Variants in KCNH8 observed in about 807,000 individuals in gnomAD.
KCNH8 encodes the protein voltage-gated delayed rectifier potassium channel KCNH8.
KCNH8 carries 70 observed loss-of-function variants against 103.6 expected under a neutral mutation model. The ratio of observed to expected loss-of-function variants is 0.68; its 90% CI spans 0.56 to 0.82. The LOEUF (loss-of-function observed/expected upper bound fraction) is 0.82, where lower values mean the gene tolerates loss of function less well. KCNH8 is among the 40% of genes least tolerant of loss of function. The pLI is 0.00. For missense variants in KCNH8, 1,217 were observed against 1,329.9 expected, an observed-to-expected ratio of 0.92 and a Z score of 1.32; for synonymous variants, 498 against 489.4, an observed-to-expected ratio of 1.02 and a Z score of -0.23.
At chr3:19,359,333 T>C (rs2065918947) in intron 5 of KCNH8, among the ~76,000 whole-genome samples, 1 of 151,428 alleles carries the variant, frequency 6.6e-6, no homozygotes, top group Non-Finnish European at 1.5e-5. Context: ...ATAATAAATA[T>C]ATGTACTTAT....
At chr3:19,261,921 A>G (rs902889191) in intron 2 of KCNH8, among the ~76,000 whole-genome samples, 9 of 151,604 alleles carry the variant, frequency 5.9e-5, no homozygotes, top group African/African-American at 1.5e-4. Flanking sequence ...TTCACCATAT[A>G]TGTTTGGATT....
chr3:19,336,038 ACT>A (rs1444781828), intron 3 of KCNH8, among the ~76,000 whole-genome samples: 2 of 150,474 alleles, frequency 1.3e-5, no homozygotes, highest in African/African-American at 4.9e-5. Context: ...AACCTAGTTT[ACT>A]CTTTTTTATT....
intron 11 of KCNH8, among the ~76,000 whole-genome samples, chr3:19,479,377 AT>A (rs1057215400): frequency 5.3e-5 from 8 of 152,154 alleles, no homozygotes; most frequent in African/African-American, 1.9e-4. Flanking sequence ...ATGTTAAAAT[AT>A]CATCAGTTCT....
At chr3:19,360,109 T>G (rs536984424) in intron 5 of KCNH8, among the ~76,000 whole-genome samples, 1 of 152,104 alleles carries the variant, frequency 6.6e-6, no homozygotes, top group East Asian at 1.9e-4. Flanking sequence ...AATTATACCC[T>G]AGATAGCAAA....
At chr3:19,500,639 G>A (rs181285686) in intron 11 of KCNH8, among the ~76,000 whole-genome samples, 5 of 152,096 alleles carry the variant, frequency 3.3e-5, no homozygotes, top group Admixed American at 6.5e-5. Flanking sequence ...ACTCAAAACC[G>A]CTCAACTACA....
At chr3:19,340,357 AT>A (rs33979047) in intron 3 of KCNH8, among the ~76,000 whole-genome samples, 23,069 of 143,872 alleles carry the variant, frequency 0.16, 1,837 homozygotes, top group South Asian at 0.19. Context: ...TTTTTTTTTA[AT>A]TTTTTTTTTT....
At chr3:19,507,967 G>T (rs1030975061) in intron 11 of KCNH8, among the ~76,000 whole-genome samples, 2 of 152,262 alleles carry the variant, frequency 1.3e-5, no homozygotes, top group Admixed American at 1.3e-4. Context: ...TATCATGAAG[G>T]GAAGTTGATT....
At chr3:19,250,479 A>T (rs1191572545) in intron 1 of KCNH8, among the ~76,000 whole-genome samples, 1 of 152,228 alleles carries the variant, frequency 6.6e-6, no homozygotes, top group Admixed American at 6.5e-5. Context: ...GGGAAAATAT[A>T]TGCTAGACAA....
At position 19,392,751 on chromosome 3, in the gene KCNH8, T is replaced by C. The variant is rs185696185; in HGVS notation, c.969+2113T>C. On this transcript the variant is annotated intron_variant, in intron 6 of 15. Transcript: ENST00000328405. Reference sequence around the variant, plus strand: ...ATCACATGCTTTTTGAAAACTAGTATGTATATCACTGTAGAAGGCACTTAT... The same window carrying C: ...ATCACATGCTTTTTGAAAACTAGTACGTATATCACTGTAGAAGGCACTTAT... 1.1e-3 allele frequency among the ~76,000 whole-genome samples: 171 copies of C among 152,104 alleles called. 2 individuals carry two copies. Among genetic ancestry groups the C allele is most frequent in the South Asian group, 8.5e-3 (41 of 4,830 alleles).
intron 3 of KCNH8, among the ~76,000 whole-genome samples, chr3:19,320,341 T>G (rs1184126553): frequency 6.6e-6 from 1 of 152,028 alleles, no homozygotes; most frequent in Non-Finnish European, 1.5e-5. Flanking sequence ...CCTTCTGTGC[T>G]GATTTTGCTG....
chr3:19,456,181 G>A (rs2067529576), intron 10 of KCNH8, among the ~76,000 whole-genome samples: 2 of 151,976 alleles, frequency 1.3e-5, no homozygotes, highest in South Asian at 2.1e-4. Flanking sequence ...AAATTTCAAG[G>A]TTTAAGTCCA....
At chr3:19,256,086 T>C (rs1427738464) in intron 2 of KCNH8, among the ~76,000 whole-genome samples, 1 of 152,160 alleles carries the variant, frequency 6.6e-6, no homozygotes, top group East Asian at 1.9e-4. Context: ...TCAGTAATTC[T>C]TGTGGTAGAA....
At chr3:19,283,633 C>A (rs901035040) in intron 3 of KCNH8, among the ~76,000 whole-genome samples, 1 of 151,600 alleles carries the variant, frequency 6.6e-6, no homozygotes, top group African/African-American at 2.4e-5. Context: ...TGTTGTAAGT[C>A]ACTATGGTTA....
At position 19,156,172 on chromosome 3, in the gene KCNH8, T is replaced by C. The variant is rs536942253; in HGVS notation, c.76+7377T>C. On this transcript the variant is annotated intron_variant, in intron 1 of 15. Coordinates refer to ENST00000328405, the MANE Select transcript of KCNH8 (RefSeq NM_144633.3). ...TCTAGTGATAATAGTGTCTATCATC[T>C]TGGGCATGTCTACATGCATGCTGTG... Among the ~76,000 whole-genome samples, 5 of 152,314 alleles carry C rather than the reference T, an allele frequency of 3.3e-5. No individual in the cohort carries two copies. The East Asian group carries it at 5.8e-4, about 18-fold the overall frequency.
chr3:19,495,980 T>G (rs2068432257), intron 11 of KCNH8, among the ~76,000 whole-genome samples: 1 of 151,482 alleles, frequency 6.6e-6, no homozygotes, highest in Admixed American at 6.6e-5. Context: ...GAGATTACAT[T>G]CTTGATTTGG....
At chr3:19,296,499 C>T (rs1434457171) in intron 3 of KCNH8, among the ~76,000 whole-genome samples, 1 of 152,160 alleles carries the variant, frequency 6.6e-6, no homozygotes, top group Non-Finnish European at 1.5e-5. Context: ...TCATGCATTC[C>T]TTTCCTCTTC....
At chr3:19,498,580 C>A (rs892019096) in intron 11 of KCNH8, among the ~76,000 whole-genome samples, 1 of 152,148 alleles carries the variant, frequency 6.6e-6, no homozygotes, top group Non-Finnish European at 1.5e-5. Flanking sequence ...TCTCTCAACT[C>A]GTCAAAGTCA....
In KCNH8 at chr3:19,283,114, A is replaced by G. The variant is rs373322481; in HGVS notation, c.442+1785A>G. Among the ~76,000 whole-genome samples the G allele has an allele frequency of 1.1e-4, 16 of 152,248 alleles. 2 individuals carry two copies. Among genetic ancestry groups the G allele is most frequent in the East Asian group, 5.8e-4 (3 of 5,168 alleles). Reference sequence around the variant, plus strand: ...CACCTTCCAAACTTAATCAAATTATATTCTTCTTCTTTTCCCGGAAATAGC... The same window carrying G: ...CACCTTCCAAACTTAATCAAATTATGTTCTTCTTCTTTTCCCGGAAATAGC... On this transcript the variant is annotated intron_variant, in intron 3 of 15. Transcript: ENST00000328405.
chr3:19,420,273 T>C (rs2125155920), intron 7 of KCNH8, among the ~76,000 whole-genome samples: 1 of 152,340 alleles, frequency 6.6e-6, no homozygotes, highest in East Asian at 1.9e-4. Flanking sequence ...GGTAGCTTAT[T>C]TTGTTCCCGA....
Sources: gnomAD v4.1 joint callset for allele counts (sites outside exome capture counted in the v4.1 genomes callset) on GRCh38, gnomAD v4.1.1 for gene constraint, MANE v1.5 for transcripts, NCBI Gene and HGNC (gene_info 2026-07-23, HGNC 2026-07-21) for gene names.